PDE4D: variants seen among roughly 807,000 people sequenced by gnomAD.
PDE4D encodes the protein 3',5'-cyclic-AMP phosphodiesterase 4D.
PDE4D carries 24 observed loss-of-function variants against 87.4 expected under a neutral mutation model. The observed-to-expected ratio is 0.27, with a 90% CI of 0.20 to 0.39. PDE4D has a LOEUF of 0.39. PDE4D is among the 10% of genes least tolerant of loss of function. PDE4D has a pLI of 1.00. For synonymous variants in PDE4D, 384 were observed against 383.2 expected (o/e 1.00, Z -0.02); for missense variants, 714 against 1,041.0 (o/e 0.69, Z 4.32).
chr5:59,988,596 T>C, exon 3 of PDE4D: 1 of 1,599,396 alleles, frequency 6.3e-7, no homozygotes, highest in Non-Finnish European at 8.5e-7. Flanking sequence ...TTGTTCCAAC[T>C]GTCTGAAGGC....
At chr5:59,762,238 A>C (rs944211636) in intron 1 of PDE4D, among the ~76,000 whole-genome samples, 1 of 108,960 alleles carries the variant, frequency 9.2e-6, no homozygotes. Flanking sequence ...ATATGCGTAT[A>C]TGTGTATATG....
At chr5:59,753,983 T>C (rs1000988902) in intron 1 of PDE4D, among the ~76,000 whole-genome samples, 1 of 152,188 alleles carries the variant, frequency 6.6e-6, no homozygotes, top group South Asian at 2.1e-4. Flanking sequence ...ACGCATATCA[T>C]TGTCTTCTGA....
At chr5:59,379,686 AAT>A (rs1403940772) in intron 1 of PDE4D, among the ~76,000 whole-genome samples, 1 of 152,108 alleles carries the variant, frequency 6.6e-6, no homozygotes, top group Non-Finnish European at 1.5e-5. Flanking sequence ...GTTCATGTGA[AAT>A]ACATAGAATA....
chr5:60,043,727 CTCT>C (rs1329730027), intron 2 of PDE4D, among the ~76,000 whole-genome samples: 3 of 151,528 alleles, frequency 2.0e-5, no homozygotes, highest in African/African-American at 4.9e-5. Context: ...TTCTTGAAAG[CTCT>C]TCTTTTCTTT....
chr5:59,889,919 T>C (rs1171949769), intron 1 of PDE4D, among the ~76,000 whole-genome samples: 1 of 152,198 alleles, frequency 6.6e-6, no homozygotes, highest in African/African-American at 2.4e-5. Context: ...ATATAAAAAA[T>C]TTATTTAACA....
chr5:60,168,289 G>A (rs1264943816), intron 2 of PDE4D, among the ~76,000 whole-genome samples: 6 of 152,196 alleles, frequency 3.9e-5, no homozygotes, highest in Admixed American at 2.6e-4. Context: ...CCTGGATAGG[G>A]GTTCAGAGCA....
At chr5:59,786,592 A>G (rs974366151) in intron 1 of PDE4D, among the ~76,000 whole-genome samples, 2 of 152,222 alleles carry the variant, frequency 1.3e-5, no homozygotes, top group African/African-American at 2.4e-5. Flanking sequence ...AACCTTTTTA[A>G]CAGGGACTTT....
rs1197057276 is a variant in PDE4D, at chr5:59,065,059, TATATATATACACACACACACACAC to T, written c.809-26112_809-26089del. 6.0e-4 allele frequency among the ~76,000 whole-genome samples: 6 copies of T among 9,956 alleles called. 1 individual carries two copies. The East Asian group carries it at 0.032, about 54-fold the overall frequency. 6.5% of individuals were successfully genotyped at this position (9,956 alleles called of 152,430 possible). A position where few individuals can be genotyped will look rare whatever the true frequency, so the allele number is the denominator to read the frequency against. ...AGATGAATGGACAAAGGAAATGTGA[TATATATATACACACACACACACAC>T]ACACACACACACACACACACACACA... On this transcript the variant is annotated intron_variant, in intron 5 of 14. Transcript: ENST00000340635.
intron 1 of PDE4D, among the ~76,000 whole-genome samples, chr5:59,321,471 C>T (rs867482326): frequency 1.3e-5 from 2 of 152,140 alleles, no homozygotes; most frequent in African/African-American, 4.8e-5. Context: ...CTTCTTAAAT[C>T]TGGCATCTTG....
At chr5:60,344,873 AT>A (rs1385333398) in intron 1 of PDE4D, among the ~76,000 whole-genome samples, 1 of 152,140 alleles carries the variant, frequency 6.6e-6, no homozygotes, top group Non-Finnish European at 1.5e-5. Context: ...AATAAATTAT[AT>A]TGATTTTCTG....
In PDE4D at chr5:59,441,124, T is replaced by C. The variant is rs1355458959; in HGVS notation, c.456-225156A>G. ...TATTTATTTATTTAGAAGCAGGGTC[T>C]CACTCTGTCACCCAGGCAGAAGTGC... On this transcript the variant is annotated intron_variant, in intron 1 of 14. Transcript: ENST00000340635. Among the ~76,000 whole-genome samples, 3 of 152,340 alleles carry C rather than the reference T, an allele frequency of 2.0e-5. No homozygotes were observed. In the East Asian group the frequency reaches 5.8e-4, roughly 29 times the overall value.
intron 3 of PDE4D, among the ~76,000 whole-genome samples, chr5:59,913,955 A>G (rs560670486): frequency 1.2e-4 from 18 of 152,230 alleles, no homozygotes; most frequent in Admixed American, 1.1e-3. Flanking sequence ...TAATAATAAA[A>G]ACCATCAAAT....
At chr5:59,321,610 G>A (rs994059583) in intron 1 of PDE4D, among the ~76,000 whole-genome samples, 5 of 152,118 alleles carry the variant, frequency 3.3e-5, no homozygotes, top group Admixed American at 1.3e-4. Context: ...GCTCTGAAAT[G>A]TCTATGAGAT....
intron 1 of PDE4D, among the ~76,000 whole-genome samples, chr5:59,286,468 A>G (rs1376081504): frequency 6.6e-6 from 1 of 152,212 alleles, no homozygotes; most frequent in East Asian, 1.9e-4. Flanking sequence ...TTTAAGTAAC[A>G]TCTCAATAGG....
intron 1 of PDE4D, among the ~76,000 whole-genome samples, chr5:59,833,426 A>G (rs1280776504): frequency 6.6e-6 from 1 of 151,992 alleles, no homozygotes; most frequent in Non-Finnish European, 1.5e-5. Flanking sequence ...GTGGATTTGA[A>G]AGAGTCAACA....
chr5:60,165,548 T>A (rs1471025499), intron 2 of PDE4D, among the ~76,000 whole-genome samples: 1 of 151,794 alleles, frequency 6.6e-6, no homozygotes, highest in Middle Eastern at 3.2e-3. Context: ...ATGCAGGATG[T>A]CATTAATATT....
At chr5:60,432,177 T>C (rs1053271550) in intron 1 of PDE4D, among the ~76,000 whole-genome samples, 6 of 152,186 alleles carry the variant, frequency 3.9e-5, no homozygotes, top group Admixed American at 6.5e-5. Context: ...TTAAGGATTT[T>C]TGCATCTATG....
rs1407040489 is a variant in PDE4D, at chr5:59,397,532, C to T, written c.456-181564G>A. 4.0e-3 allele frequency among the ~76,000 whole-genome samples: 453 copies of T among 113,472 alleles called. 82 individuals carry two copies. Among genetic ancestry groups the T allele is most frequent in the African/African-American group, 0.012 (344 of 27,830 alleles). The allele number at this position is 113,472 out of a possible 152,430, so 74.4% of individuals were successfully genotyped here. On this transcript the variant is annotated intron_variant, in intron 1 of 14. Transcript: ENST00000340635. ...AAATAAAGATGTTCTTTGAAACCAA[C>T]GAGAACAAAGACACAACATACCAGA...
intron 3 of PDE4D, among the ~76,000 whole-genome samples, chr5:59,950,209 A>G (rs1471153404): frequency 1.3e-5 from 2 of 152,130 alleles, no homozygotes; most frequent in African/African-American, 4.8e-5. Flanking sequence ...AAAAAGCCAT[A>G]TACCTCTGAT....
Sources: gnomAD v4.1 joint callset for allele counts (sites outside exome capture counted in the v4.1 genomes callset) on GRCh38, gnomAD v4.1.1 for gene constraint, MANE v1.5 for transcripts, NCBI Gene and HGNC (gene_info 2026-07-23, HGNC 2026-07-21) for gene names.